Variants in TNFRSF11A observed in about 807,000 individuals in gnomAD.
TNFRSF11A encodes tumor necrosis factor receptor superfamily member 11A.
In TNFRSF11A, 32 loss-of-function variants were observed where a neutral mutation model predicts 55.7. The ratio of observed to expected loss-of-function variants is 0.57; its 90% CI spans 0.43 to 0.77. The LOEUF is 0.77. Among genes scored for constraint, TNFRSF11A ranks in the 30% least tolerant of loss-of-function variants. The pLI is 0.00. For missense variants in TNFRSF11A, 753 were observed against 809.8 expected, an observed-to-expected ratio of 0.93 and a Z score of 0.85; for synonymous variants, 311 against 331.0, an observed-to-expected ratio of 0.94 and a Z score of 0.65.
chr18:62,375,083 G>T (rs199917898), intron 9 of TNFRSF11A, among the ~76,000 whole-genome samples: 45 of 61,288 alleles, frequency 7.3e-4, no homozygotes, highest in Non-Finnish European at 9.4e-4. Flanking sequence ...TTTTGTGTGT[G>T]TGTTTTTTTT....
chr18:62,357,976 CA>C (rs1422966077), intron 4 of TNFRSF11A: 4 of 454,182 alleles, frequency 8.8e-6, no homozygotes, highest in African/African-American at 6.0e-5. Context: ...CTGGACATCA[CA>C]TACCAGTGTT....
intron 3 of TNFRSF11A, among the ~76,000 whole-genome samples, chr18:62,352,332 A>C (rs939571012): frequency 6.6e-6 from 1 of 152,204 alleles, no homozygotes; most frequent in African/African-American, 2.4e-5. Context: ...TGTGTATAGA[A>C]GTTTTTTCCC....
At chr18:62,342,403 A>AAAAAAAAAC (rs2046326410) in intron 1 of TNFRSF11A, among the ~76,000 whole-genome samples, 1 of 87,164 alleles carries the variant, frequency 1.1e-5, no homozygotes, top group Non-Finnish European at 2.0e-5. Flanking sequence ...TTCTGTCTCA[A>AAAAAAAAAC]AAAAAAAAAA....
chr18:62,342,572 C>T (rs888103669), intron 1 of TNFRSF11A, among the ~76,000 whole-genome samples: 2 of 152,028 alleles, frequency 1.3e-5, no homozygotes, highest in East Asian at 1.9e-4. Flanking sequence ...CATGGTGGGA[C>T]GTTTTCCTCA....
chr18:62,330,329 T>C (rs1053585032), intron 1 of TNFRSF11A, among the ~76,000 whole-genome samples: 4 of 152,212 alleles, frequency 2.6e-5, no homozygotes, highest in Non-Finnish European at 4.4e-5. Context: ...TGGTCACATG[T>C]GTCTAAAGCT....
At chr18:62,345,203 GA>G (rs2046365789) in intron 1 of TNFRSF11A, among the ~76,000 whole-genome samples, 1 of 152,188 alleles carries the variant, frequency 6.6e-6, no homozygotes, top group South Asian at 2.1e-4. Flanking sequence ...GTGTGGGGAG[GA>G]AAAGGGTCTG....
intron 5 of TNFRSF11A, 73 bp downstream of exon 5, chr18:62,358,414 T>G: frequency 7.0e-7 from 1 of 1,426,750 alleles, no homozygotes; most frequent in Non-Finnish European, 9.9e-7. Context: ...CTCGTCTGGG[T>G]TGAAAACGGA....
rs187135297 is a variant in TNFRSF11A at position 62,326,569 on chromosome 18, G to A, written c.75+1142G>A. Among the ~76,000 whole-genome samples, 47 of 152,336 alleles carry A rather than the reference G, an allele frequency of 3.1e-4. 1 individual carries two copies. Among genetic ancestry groups the A allele is most frequent in the Middle Eastern group, 3.4e-3 (1 of 294 alleles). ...TTTGAACCAAAGGACCAGGGTTTCA[G>A]CGAACAGCTAGCCACCTAAGAAAAA... On this transcript the variant is annotated intron_variant, in intron 1 of 9. Coordinates refer to ENST00000586569, the MANE Select transcript of TNFRSF11A (RefSeq NM_003839.4).
intron 9 of TNFRSF11A, among the ~76,000 whole-genome samples, chr18:62,384,302 C>T (rs1911504544): frequency 6.7e-6 from 1 of 148,202 alleles, no homozygotes; most frequent in Admixed American, 6.7e-5. Context: ...CTTTTCCTCC[C>T]CTCCTCCTTT....
At position 62,325,310 on chromosome 18, in the gene TNFRSF11A, A is replaced by AGAGGCCGCT; in HGVS notation, c.-34_-26dup. On this transcript the variant is annotated 5_prime_UTR_variant, in exon 1 of 10. Coordinates refer to ENST00000586569, the MANE Select transcript of TNFRSF11A (RefSeq NM_003839.4). This position sits in a 1 kb window ranked among gnomAD's most constrained non-coding sequence, Gnocchi z 4.7. Reference sequence around the variant, plus strand: ...GCGGCAGCCGCGCCCGCTGGGCCACAGAGGCCGCTGAGGCCGCGGCGCCCG... The same window carrying AGAGGCCGCT: ...GCGGCAGCCGCGCCCGCTGGGCCACAGAGGCCGCTGAGGCCGCTGAGGCCGCGGCGCCCG... The AGAGGCCGCT allele has an allele frequency of 1.0e-6, 1 of 955,952 alleles. No individual in the cohort carries two copies. The allele number at this position is 955,952 out of a possible 1,614,324, so 59.2% of individuals were successfully genotyped here.
rs1437718240 is a variant in TNFRSF11A at position 62,361,531 on chromosome 18, A to T, written c.617-149A>T. ...CCCTTTGGAATGTGAGTGCTCGCGG[A>T]CAAAGGGCAGCCAAGGGTGGGGACT... is the stretch of plus-strand genomic sequence containing the variant. On this transcript the variant is annotated intron_variant, in intron 6 of 9. Coordinates refer to ENST00000586569, the MANE Select transcript of TNFRSF11A (RefSeq NM_003839.4). The T allele has an allele frequency of 3.8e-6, 3 of 786,636 alleles. No individual in the cohort carries two copies. In the Admixed American group the frequency reaches 5.3e-5, roughly 14 times the overall value. The allele number at this position is 786,636 out of a possible 1,614,324, so 48.7% of individuals were successfully genotyped here. A position where few individuals can be genotyped will look rare whatever the true frequency, so the allele number is the denominator to read the frequency against.
Position 62,388,816 on chromosome 18 carries a change from C to T in TNFRSF11A, c.*3782C>T, listed in dbSNP as rs566741689. The T allele has an allele frequency of 1.3e-5, 2 of 152,334 alleles. No individual in the cohort carries two copies. Among genetic ancestry groups the T allele is most frequent in the South Asian group, 2.1e-4 (1 of 4,830 alleles). 9.4% of individuals were successfully genotyped at this position (152,334 alleles called of 1,614,324 possible). On this transcript the variant is annotated 3_prime_UTR_variant, in exon 10 of 10. Coordinates refer to ENST00000586569, the MANE Select transcript of TNFRSF11A (RefSeq NM_003839.4). ...GTCACAACTTCTAAAATCAAGAAAA[C>T]TGGTGAGATACCTTGGGGTAGAGAA...
At chr18:62,366,109 C>G (rs1055565429) in intron 7 of TNFRSF11A, among the ~76,000 whole-genome samples, 1 of 152,224 alleles carries the variant, frequency 6.6e-6, no homozygotes, top group African/African-American at 2.4e-5. Context: ...TGAGCCACCG[C>G]GCCTGGCCCT....
chr18:62,332,217 C>T (rs1409162310), intron 1 of TNFRSF11A, among the ~76,000 whole-genome samples: 1 of 152,118 alleles, frequency 6.6e-6, no homozygotes, highest in Non-Finnish European at 1.5e-5. Context: ...CGCATCACAT[C>T]CCACAGATGG....
At chr18:62,350,932 C>T (rs929265216) in intron 3 of TNFRSF11A, among the ~76,000 whole-genome samples, 1 of 151,450 alleles carries the variant, frequency 6.6e-6, no homozygotes, top group Admixed American at 6.6e-5. Context: ...GCACAGGCCA[C>T]ATTTTGTTGG....
chr18:62,383,772 C>G lies in TNFRSF11A; in HGVS notation c.1568-979C>G, dbSNP rs190577936. 3.3e-5 allele frequency among the ~76,000 whole-genome samples: 5 copies of G among 152,278 alleles called. 1 individual carries two copies. The East Asian group carries it at 9.7e-4, about 29-fold the overall frequency. On this transcript the variant is annotated intron_variant, in intron 9 of 9. Transcript: ENST00000586569. This position sits in a 1 kb window ranked among gnomAD's most constrained non-coding sequence, Gnocchi z 4.2. ...GCTAGAACCCCTTAGGGACAAAACA[C>G]CCTTCAGAGTTCAGAAGGGAAAAGT...
At chr18:62,333,884 A>G (rs1275392990) in intron 1 of TNFRSF11A, among the ~76,000 whole-genome samples, 3 of 138,586 alleles carry the variant, frequency 2.2e-5, no homozygotes, top group African/African-American at 5.4e-5. Flanking sequence ...TTTTTTTTTG[A>G]GAAGGAGTCT....
At chr18:62,381,088 G>A (rs1911255957) in intron 9 of TNFRSF11A, among the ~76,000 whole-genome samples, 1 of 152,180 alleles carries the variant, frequency 6.6e-6, no homozygotes, top group African/African-American at 2.4e-5. Context: ...ACAGGTGTCA[G>A]CCACCGCGCT....
chr18:62,341,683 G>A (rs1446023516), intron 1 of TNFRSF11A, among the ~76,000 whole-genome samples: 2 of 152,128 alleles, frequency 1.3e-5, no homozygotes, highest in African/African-American at 2.4e-5. Flanking sequence ...GCTTTGAATT[G>A]AGGAGGCAGA....
Sources: gnomAD v4.1 joint callset for allele counts (sites outside exome capture counted in the v4.1 genomes callset) on GRCh38, gnomAD v4.1.1 for gene constraint, Gnocchi (gnomAD v3.1) non-coding constraint, MANE v1.5 for transcripts, NCBI Gene and HGNC (gene_info 2026-07-23, HGNC 2026-07-21) for gene names.